Variants in ANKS1B observed in about 807,000 individuals in gnomAD.
The protein encoded by ANKS1B is ankyrin repeat and sterile alpha motif domain containing 1B.
Under a neutral mutation model 148.3 loss-of-function variants are expected in ANKS1B, and 36 were observed. The observed-to-expected ratio is 0.24, with a 90% CI of 0.19 to 0.32. The LOEUF (loss-of-function observed/expected upper bound fraction) is 0.32. Ranked by LOEUF, ANKS1B falls within the 10% of genes least tolerant of loss-of-function variation. The probability of loss-of-function intolerance (pLI) is 1.00; values close to 1 mark genes in which losing one functional copy is unlikely to be tolerated. For missense variants in ANKS1B, 1,157 were observed against 1,542.6 expected (o/e 0.75, Z 4.19); for synonymous variants, 542 against 560.8 (o/e 0.97, Z 0.47).
intron 14 of ANKS1B, among the ~76,000 whole-genome samples, chr12:99,196,470 C>A (rs984883041): frequency 5.1e-4 from 77 of 152,244 alleles, no homozygotes; most frequent in African/African-American, 1.8e-3. Flanking sequence ...GTCTTTACTA[C>A]AAGCCATTCT....
intron 9 of ANKS1B, among the ~76,000 whole-genome samples, chr12:99,560,336 T>TC (rs913153962): frequency 6.6e-6 from 1 of 152,170 alleles, no homozygotes; most frequent in African/African-American, 2.4e-5. Flanking sequence ...TTGTTTTTTT[T>TC]CACATAGCCC....
At chr12:99,095,172 A>C (rs1417519515) in intron 15 of ANKS1B, among the ~76,000 whole-genome samples, 2 of 152,194 alleles carry the variant, frequency 1.3e-5, no homozygotes, top group Non-Finnish European at 2.9e-5. Flanking sequence ...GTACCTACGA[A>C]AATGAAAATG....
chr12:99,590,258 C>CACACACA (rs1567422900), intron 9 of ANKS1B, among the ~76,000 whole-genome samples: 2,414 of 132,840 alleles, frequency 0.018, 32 homozygotes, highest in East Asian at 0.059. Context: ...CCACACCCAC[C>CACACACA]CACACACACA....
intron 24 of ANKS1B, among the ~76,000 whole-genome samples, chr12:98,778,961 A>C (rs777479197): frequency 1.9e-4 from 29 of 151,804 alleles, no homozygotes; most frequent in Non-Finnish European, 4.3e-4. Context: ...TAGCCAGTTG[A>C]AATTAACATC....
At chr12:99,148,732 CTGTGCCTA>C (rs2074002174) in intron 15 of ANKS1B, among the ~76,000 whole-genome samples, 1 of 152,150 alleles carries the variant, frequency 6.6e-6, no homozygotes, top group South Asian at 2.1e-4. Flanking sequence ...CACTGTAAGG[CTGTGCCTA>C]TTATATCTGT....
intron 1 of ANKS1B, among the ~76,000 whole-genome samples, chr12:99,935,640 G>T (rs898597795): frequency 6.6e-6 from 1 of 152,090 alleles, no homozygotes; most frequent in Non-Finnish European, 1.5e-5. Context: ...TGCCACCAGC[G>T]ATTCCCTGCC....
chr12:99,366,596 G>A lies in ANKS1B; in HGVS notation c.1756+33035C>T, dbSNP rs903751178. Reference sequence around the variant, plus strand: ...CAAAGTTGGCATCTCAAATCGCTGGGAGGAAAGATGATCTTTAGAATAAGT... The same window carrying A: ...CAAAGTTGGCATCTCAAATCGCTGGAAGGAAAGATGATCTTTAGAATAAGT... On this transcript the variant is annotated intron_variant, in intron 12 of 26. Transcript: ENST00000683438. 2.0e-5 allele frequency among the ~76,000 whole-genome samples: 3 copies of A among 152,236 alleles called. No individual in the cohort carries two copies. In the South Asian group the frequency reaches 6.2e-4, roughly 32 times the overall value.
At chr12:99,948,391 A>G (rs913979059) in intron 1 of ANKS1B, among the ~76,000 whole-genome samples, 5 of 150,696 alleles carry the variant, frequency 3.3e-5, no homozygotes, top group East Asian at 3.9e-4. Context: ...AAAAAAAAAG[A>G]AAAAAAAAGG....
At chr12:99,102,173 T>C (rs1250545057) in intron 15 of ANKS1B, among the ~76,000 whole-genome samples, 1 of 152,174 alleles carries the variant, frequency 6.6e-6, no homozygotes, top group Non-Finnish European at 1.5e-5. Context: ...CTGTTAAATA[T>C]GGCAGAGAAG....
chr12:99,553,473 G>A (rs148079575), intron 9 of ANKS1B, among the ~76,000 whole-genome samples: 5 of 152,260 alleles, frequency 3.3e-5, no homozygotes, highest in Admixed American at 6.5e-5. Context: ...ATTTGAAGTA[G>A]ACCAAGAATA....
intron 9 of ANKS1B, among the ~76,000 whole-genome samples, chr12:99,593,939 G>A (rs2097729802): frequency 6.6e-6 from 1 of 151,984 alleles, no homozygotes; most frequent in Non-Finnish European, 1.5e-5. Flanking sequence ...CTGACAAGCA[G>A]CTGGTGCAGT....
At chr12:99,812,558 C>CAGAG (rs113030122) in intron 2 of ANKS1B, among the ~76,000 whole-genome samples, 3 of 73,712 alleles carry the variant, frequency 4.1e-5, no homozygotes, top group African/African-American at 1.8e-4. Context: ...CACACACACA[C>CAGAG]AGAGAGAGAG....
rs1000517430 is a variant in ANKS1B at position 99,004,668 on chromosome 12, T to TG, written c.2778+48488dup. Among the ~76,000 whole-genome samples, 119 of 145,020 alleles carry TG rather than the reference T, an allele frequency of 8.2e-4. 1 individual carries two copies. Among genetic ancestry groups the TG allele is most frequent in the African/African-American group, 2.9e-3 (115 of 39,542 alleles). On this transcript the variant is annotated intron_variant, in intron 17 of 26. Coordinates refer to ENST00000683438, the MANE Select transcript of ANKS1B (RefSeq NM_001352186.2). ...AAAGTGGAGCCAGGTGGGTGCTGGG[T>TG]GGGGGGGAAAATGCCCTATGAAAAT...
chr12:99,613,920 A>G (rs1387211812), intron 9 of ANKS1B, among the ~76,000 whole-genome samples: 1 of 152,006 alleles, frequency 6.6e-6, no homozygotes, highest in Non-Finnish European at 1.5e-5. Flanking sequence ...GAAACTCAAC[A>G]TACTCCAAAT....
chr12:99,615,167 T>C (rs954068994), intron 9 of ANKS1B, among the ~76,000 whole-genome samples: 1 of 150,562 alleles, frequency 6.6e-6, no homozygotes, highest in Non-Finnish European at 1.5e-5. Context: ...GGTAGGCAGA[T>C]AGATTACACA....
chr12:99,089,288 C>G (rs1272204949), intron 15 of ANKS1B, among the ~76,000 whole-genome samples: 3 of 151,998 alleles, frequency 2.0e-5, no homozygotes, highest in Admixed American at 6.6e-5. Flanking sequence ...ACCCAGTACA[C>G]TCCAGTCCCA....
At chr12:98,968,177 A>T (rs1327204108) in intron 17 of ANKS1B, among the ~76,000 whole-genome samples, 1 of 152,066 alleles carries the variant, frequency 6.6e-6, no homozygotes, top group Non-Finnish European at 1.5e-5. Flanking sequence ...GATCTTTCAT[A>T]AGAAAAACTC....
intron 11 of ANKS1B, among the ~76,000 whole-genome samples, chr12:99,418,476 T>A (rs1325873785): frequency 6.6e-6 from 1 of 152,198 alleles, no homozygotes; most frequent in Non-Finnish European, 1.5e-5. Context: ...GTATCTTGCA[T>A]CCCGTGACCT....
chr12:99,129,710 G>A (rs1206098358), intron 15 of ANKS1B, among the ~76,000 whole-genome samples: 1 of 152,136 alleles, frequency 6.6e-6, no homozygotes, highest in Non-Finnish European at 1.5e-5. Context: ...TTATATCTTG[G>A]ATATGGAGAT....
Sources: gnomAD v4.1 joint callset for allele counts (sites outside exome capture counted in the v4.1 genomes callset) on GRCh38, gnomAD v4.1.1 for gene constraint, MANE v1.5 for transcripts, NCBI Gene and HGNC (gene_info 2026-07-23, HGNC 2026-07-21) for gene names.